The following MYO1D variants were observed in gnomAD, a reference collection of about 807,000 sequenced individuals.
The protein encoded by MYO1D is myosin ID, also known as unconventional myosin-Id.
MYO1D carries 83 observed loss-of-function variants against 122.0 expected under a neutral mutation model. The ratio of observed to expected loss-of-function variants is 0.68; its 90% CI spans 0.57 to 0.82. The LOEUF (loss-of-function observed/expected upper bound fraction) is 0.82, where lower values mean the gene tolerates loss of function less well. Ranked by LOEUF, MYO1D falls within the 40% of genes least tolerant of loss-of-function variation. The pLI, the probability that MYO1D is intolerant of heterozygous loss-of-function variation, is 0.00. For synonymous variants in MYO1D, 464 were observed against 446.9 expected (o/e 1.04, Z -0.48); for missense variants, 1,157 against 1,269.5 (o/e 0.91, Z 1.35).
chr17:32,829,337 A>G (rs2090751565), intron 1 of MYO1D, among the ~76,000 whole-genome samples: 1 of 152,264 alleles, frequency 6.6e-6, no homozygotes, highest in Non-Finnish European at 1.5e-5. Context: ...GATTTGGCTA[A>G]AAGTTATTTT....
At chr17:32,583,250 C>T (rs1188923015) in intron 21 of MYO1D, among the ~76,000 whole-genome samples, 5 of 152,156 alleles carry the variant, frequency 3.3e-5, no homozygotes, top group Non-Finnish European at 7.3e-5. Flanking sequence ...AATCCTCTGT[C>T]ATCTTATCCT....
At chr17:32,789,666 G>A (rs1405318154) in intron 1 of MYO1D, among the ~76,000 whole-genome samples, 1 of 152,090 alleles carries the variant, frequency 6.6e-6, no homozygotes, top group Non-Finnish European at 1.5e-5. Flanking sequence ...CATTAGGGTG[G>A]ACCTGAAACC....
intron 14 of MYO1D, among the ~76,000 whole-genome samples, chr17:32,732,710 T>A (rs907900552): frequency 6.6e-6 from 1 of 152,074 alleles, no homozygotes; most frequent in African/African-American, 2.4e-5. Context: ...GGACAACAAC[T>A]CAGAATCCAC....
Position 32,726,369 on chromosome 17 carries a change from G to C in MYO1D, c.1747-5180C>G, listed in dbSNP as rs577065513. On this transcript the variant is annotated intron_variant, in intron 14 of 21. Coordinates refer to ENST00000318217, the MANE Select transcript of MYO1D (RefSeq NM_015194.3). ...CAGGAGGTGGAGGTTGCAGTGAGCTGAGATCATGCCAATGCACTCCAGTCT... is the reference window on the plus strand; with the variant it reads ...CAGGAGGTGGAGGTTGCAGTGAGCTCAGATCATGCCAATGCACTCCAGTCT... 4.6e-5 allele frequency among the ~76,000 whole-genome samples: 7 copies of C among 151,486 alleles called. No homozygotes were observed. The South Asian group carries it at 1.5e-3, about 31-fold the overall frequency.
At chr17:32,875,628 T>C (rs1567682087) in intron 1 of MYO1D, among the ~76,000 whole-genome samples, 1 of 152,202 alleles carries the variant, frequency 6.6e-6, no homozygotes. Flanking sequence ...TCTATAAAAG[T>C]TGTACATCCA....
chr17:32,818,361 G>T (rs1013426247), intron 1 of MYO1D, among the ~76,000 whole-genome samples: 1 of 152,058 alleles, frequency 6.6e-6, no homozygotes, highest in Admixed American at 6.6e-5. Flanking sequence ...CCATGTGAAG[G>T]CCTCATTATG....
At chr17:32,566,864 T>C (rs1402011489) in intron 21 of MYO1D, among the ~76,000 whole-genome samples, 1 of 113,814 alleles carries the variant, frequency 8.8e-6, no homozygotes, top group African/African-American at 3.1e-5. Context: ...AGGCAGGCAC[T>C]GTGTACCAAG....
At chr17:32,562,832 A>AT (rs1339182786) in intron 21 of MYO1D, among the ~76,000 whole-genome samples, 3 of 152,108 alleles carry the variant, frequency 2.0e-5, no homozygotes, top group Admixed American at 2.0e-4. Context: ...TAGTAATGTT[A>AT]TTTTTTCCCT....
chr17:32,574,567 C>T (rs1434547028), intron 21 of MYO1D, among the ~76,000 whole-genome samples: 2 of 152,146 alleles, frequency 1.3e-5, no homozygotes, highest in Non-Finnish European at 2.9e-5. Context: ...TGCTCATCAC[C>T]ATTGTACTTG....
At chr17:32,733,692 C>T (rs937057887) in intron 14 of MYO1D, among the ~76,000 whole-genome samples, 3 of 152,192 alleles carry the variant, frequency 2.0e-5, no homozygotes, top group Non-Finnish European at 2.9e-5. Context: ...CAAAGTTACA[C>T]ACTTCAACAA....
intron 6 of MYO1D, among the ~76,000 whole-genome samples, chr17:32,768,146 T>C (rs1339540634): frequency 6.6e-6 from 1 of 152,260 alleles, no homozygotes; most frequent in African/African-American, 2.4e-5. Context: ...TTGTGGCTCT[T>C]TGTTCCACAA....
At chr17:32,504,504 G>A (rs11867240) in intron 21 of MYO1D, 1 of 152,192 alleles carries the variant, frequency 6.6e-6, no homozygotes, top group Admixed American at 6.5e-5. Context: ...CTGACCCTGG[G>A]TGGCTGGGGT....
intron 21 of MYO1D, among the ~76,000 whole-genome samples, chr17:32,527,007 T>A (rs545746241): frequency 2.8e-4 from 42 of 152,348 alleles, no homozygotes; most frequent in Non-Finnish European, 4.7e-4. Flanking sequence ...CCTAAGCAGA[T>A]AGGAACTAAC....
intron 18 of MYO1D, 101 bp from the exon 19 acceptor site, chr17:32,654,048 C>T: frequency 2.3e-6 from 2 of 852,754 alleles, no homozygotes; most frequent in South Asian, 3.5e-5. Context: ...TATATAGTTT[C>T]ACACATGCAC....
At chr17:32,687,352 A>T (rs2346037) in intron 16 of MYO1D, among the ~76,000 whole-genome samples, 1 of 151,634 alleles carries the variant, frequency 6.6e-6, no homozygotes, top group Non-Finnish European at 1.5e-5. Flanking sequence ...ACCTGCCACC[A>T]CGCCCGGCTA....
intron 21 of MYO1D, among the ~76,000 whole-genome samples, chr17:32,582,003 G>C (rs982109851): frequency 7.9e-5 from 12 of 152,006 alleles, no homozygotes; most frequent in African/African-American, 2.7e-4. Context: ...GACCTGTCTT[G>C]GACAGGTGAT....
intron 1 of MYO1D, among the ~76,000 whole-genome samples, chr17:32,853,419 T>C (rs1055421255): frequency 6.6e-6 from 1 of 152,230 alleles, no homozygotes; most frequent in Non-Finnish European, 1.5e-5. Flanking sequence ...AATTTATTCT[T>C]ATTCTATGGC....
At chr17:32,646,914 A>G (rs1386342756) in intron 19 of MYO1D, among the ~76,000 whole-genome samples, 1 of 152,224 alleles carries the variant, frequency 6.6e-6, no homozygotes, top group East Asian at 1.9e-4. Flanking sequence ...TTCCAGACTT[A>G]TAATTATGGC....
chr17:32,705,113 G>A (rs321177), intron 16 of MYO1D, among the ~76,000 whole-genome samples: 79,388 of 151,750 alleles, frequency 0.52, 21,447 homozygotes, highest in East Asian at 0.73. Flanking sequence ...AAACAGCACA[G>A]ATTTGAACTA....
Sources: gnomAD v4.1 joint callset for allele counts (sites outside exome capture counted in the v4.1 genomes callset) on GRCh38, gnomAD v4.1.1 for gene constraint, MANE v1.5 for transcripts, NCBI Gene and HGNC (gene_info 2026-07-23, HGNC 2026-07-21) for gene names.